The following OGDHL variants were observed in gnomAD, a reference collection of about 807,000 sequenced individuals.
OGDHL encodes oxoglutarate dehydrogenase L.
A neutral mutation model predicts 109.6 loss-of-function variants in OGDHL; 79 were observed. That is an observed-to-expected ratio of 0.72 (90% CI 0.60 to 0.87). The LOEUF is 0.87. Among genes scored for constraint, OGDHL ranks in the 40% least tolerant of loss-of-function variants. OGDHL has a pLI of 0.00. For synonymous variants in OGDHL, 528 were observed against 537.2 expected (o/e 0.98, Z 0.24); for missense variants, 1,275 against 1,362.2 (o/e 0.94, Z 1.01).
At chr10:49,760,664 C>T (rs1688153115) in intron 1 of OGDHL, among the ~76,000 whole-genome samples, 1 of 152,248 alleles carries the variant, frequency 6.6e-6, no homozygotes, top group Non-Finnish European at 1.5e-5. Context: ...TCATTTAATC[C>T]TCCCAACATC....
chr10:49,745,680 A>G (rs184527809), intron 11 of OGDHL, 118 bp downstream of exon 11: 5 of 1,334,958 alleles, frequency 3.7e-6, no homozygotes, highest in Non-Finnish European at 5.2e-6. Flanking sequence ...GGTGGCATAA[A>G]TCTCTCATCC....
intron 1 of OGDHL, 150 bp from the exon 2 acceptor site, chr10:49,758,743 C>T: frequency 2.7e-6 from 2 of 753,676 alleles, no homozygotes; most frequent in African/African-American, 1.7e-5. Context: ...ATGTGACACT[C>T]TCCCAGCCCC....
At chr10:49,744,563 T>G (rs573771926) in intron 13 of OGDHL, 87 bp downstream of exon 13, 2 of 1,041,626 alleles carry the variant, frequency 1.9e-6, no homozygotes, top group Admixed American at 1.8e-5. Context: ...CAATGACAGC[T>G]GTCACCCAGG....
intron 19 of OGDHL, 31 bp from the exon 20 acceptor site, chr10:49,737,889 C>T: frequency 6.2e-7 from 1 of 1,614,176 alleles, no homozygotes; most frequent in East Asian, 2.2e-5. Flanking sequence ...CAGCTGCCAG[C>T]TGGCCCTGCC....
chr10:49,746,657 G>C (rs1181022866), intron 10 of OGDHL, 93 bp downstream of exon 10: 1 of 1,521,074 alleles, frequency 6.6e-7, no homozygotes, highest in Admixed American at 1.8e-5. Context: ...AGTGGGCTCA[G>C]AGCCAGGAGC....
intron 3 of OGDHL, among the ~76,000 whole-genome samples, chr10:49,754,142 A>G (rs1842776450): frequency 6.6e-6 from 1 of 152,194 alleles, no homozygotes; most frequent in Admixed American, 6.5e-5. Flanking sequence ...TGATCAAACC[A>G]ATAGCAGGAA....
chr10:49,745,859 T>C lies in OGDHL; in HGVS notation c.1415A>G (p.Tyr472Cys), dbSNP rs766528428. 2 of 1,614,148 alleles carry C rather than the reference T, an allele frequency of 1.2e-6. No individual in the cohort carries two copies. Among genetic ancestry groups the C allele is most frequent in the South Asian group, 1.1e-5 (1 of 91,076 alleles). The change falls in exon 11 of 23, where the codon TAT (tyrosine) becomes TGT (cysteine). Residue 472 changes from tyrosine to cysteine, a missense_variant. Physicochemically the swap from Tyr to Cys is radical, Grantham distance 194. Coordinates refer to ENST00000374103, the MANE Select transcript of OGDHL (RefSeq NM_018245.3). ...CCATTCGGCTGCCACACTGCACACATATATCACAGCCTCTGGGTCATCGGC... is the reference window on the plus strand; with the variant it reads ...CCATTCGGCTGCCACACTGCACACACATATCACAGCCTCTGGGTCATCGGC... ...VNADDPEAVI[Y>C]VCSVAAEWRN...
rs116498795 is a variant in OGDHL at position 49,750,370 on chromosome 10, G to C, written c.896+469C>G. On this transcript the variant is annotated intron_variant, in intron 7 of 22. Coordinates refer to ENST00000374103, the MANE Select transcript of OGDHL (RefSeq NM_018245.3). Reference sequence around the variant, plus strand: ...GCCCCACTGCTGAGCAAGCCTCCTAGATCTTCATCAAGGTCAAGGGAACAC... The same window carrying C: ...GCCCCACTGCTGAGCAAGCCTCCTACATCTTCATCAAGGTCAAGGGAACAC... Among the ~76,000 whole-genome samples, 362 of 152,264 alleles carry C rather than the reference G, an allele frequency of 2.4e-3. 1 individual carries two copies. The highest frequency in any genetic ancestry group is 8.1e-3 in the African/African-American group (337 of 41,548).
At chr10:49,745,175 C>A (rs552759702) in intron 12 of OGDHL, among the ~76,000 whole-genome samples, 169 bp downstream of exon 12, 2 of 152,388 alleles carry the variant, frequency 1.3e-5, no homozygotes, top group Non-Finnish European at 2.9e-5. Flanking sequence ...GTAACTGCAT[C>A]CTTAGTTCTT....
chr10:49,741,806 CACACCACACACATAT>C (rs568278345), intron 15 of OGDHL, among the ~76,000 whole-genome samples: 188 of 148,102 alleles, frequency 1.3e-3, no homozygotes, highest in African/African-American at 4.4e-3. Flanking sequence ...ACATGCAAAA[CACACCACACACATAT>C]ACACCACACA....
At chr10:49,754,162 G>T (rs1842777063) in intron 3 of OGDHL, among the ~76,000 whole-genome samples, 2 of 152,302 alleles carry the variant, frequency 1.3e-5, no homozygotes, top group East Asian at 3.9e-4. Flanking sequence ...AACAGCCAGA[G>T]ACCTGGACAG....
In OGDHL at chr10:49,752,889, T is replaced by C. The variant is rs1275134233; in HGVS notation, c.376-149A>G. ...GCCCCGCGGCTACTTCACTGCTGCCTGCGAGACCCCAGCCACAGCCAGTAA... is the reference window on the plus strand; with the variant it reads ...GCCCCGCGGCTACTTCACTGCTGCCCGCGAGACCCCAGCCACAGCCAGTAA... On this transcript the variant is annotated intron_variant, in intron 3 of 22. Coordinates refer to ENST00000374103, the MANE Select transcript of OGDHL (RefSeq NM_018245.3). 4.9e-6 allele frequency: 3 copies of C among 612,354 alleles called. No homozygotes were observed. The African/African-American group carries it at 5.6e-5, about 11-fold the overall frequency. The allele number at this position is 612,354 out of a possible 1,614,324, so 37.9% of individuals were successfully genotyped here.
At chr10:49,744,245 C>A in intron 13 of OGDHL, 123 bp from the exon 14 acceptor site, 1 of 1,281,828 alleles carries the variant, frequency 7.8e-7, no homozygotes, top group Non-Finnish European at 1.1e-6. Flanking sequence ...CTCGGACTCA[C>A]CCTGAGCCCA....
In OGDHL at chr10:49,735,102, C is replaced by T; in HGVS notation, c.*126G>A. ...GCAGTGCTGGCTCTTGGCCCTGTCA[C>T]TGTGTCTGTTTTATCCTGGGGCCCC... On this transcript the variant is annotated 3_prime_UTR_variant, in exon 23 of 23. Transcript: ENST00000374103. 1 of 1,213,468 alleles carries T rather than the reference C, an allele frequency of 8.2e-7. No individual in the cohort carries two copies. Among genetic ancestry groups the T allele is most frequent in the Non-Finnish European group, 1.2e-6 (1 of 866,294 alleles). 75.2% of individuals were successfully genotyped at this position (1,213,468 alleles called of 1,614,324 possible). A position where few individuals can be genotyped will look rare whatever the true frequency, so the allele number is the denominator to read the frequency against.
rs760206833 is a variant in OGDHL at position 49,738,055 on chromosome 10, G to A, written c.2409C>T (p.Phe803=). Residue 803 remains phenylalanine, a synonymous_variant, in exon 19 of 23, where the codon TTC becomes TTT. Coordinates refer to ENST00000374103, the MANE Select transcript of OGDHL (RefSeq NM_018245.3). ...SDAYPAFTKD[F]EVSQLYDCNW... is the part of the protein sequence containing the mutation. ...TGCAGTCATAGAGCTGGCTCACCTC[G>A]AAGTCCTTGGTGAATGCCTGTGGGG... 6.8e-6 allele frequency: 11 copies of A among 1,614,048 alleles called. No homozygotes were observed. The Admixed American group carries it at 8.3e-5, about 12-fold the overall frequency.
At position 49,752,186 on chromosome 10, in the gene OGDHL, T is replaced by G. The variant is rs201458076; in HGVS notation, c.541A>C (p.Ile181Leu). Residue 181 changes from isoleucine to leucine, a missense_variant, in exon 5 of 23, where the codon ATT (isoleucine) becomes CTT (leucine). Physicochemically the swap from Ile to Leu is conservative, Grantham distance 5 (BLOSUM62 2). Coordinates refer to ENST00000374103, the MANE Select transcript of OGDHL (RefSeq NM_018245.3). Reference protein sequence around the residue: ...KEFQLPTTTFIGGSENTLSLR... With the variant: ...KEFQLPTTTFLGGSENTLSLR... ...GAGAGGGTGTTTTCAGAGCCCCCAA[T>G]GAAGGTGGTTGTCGGCAGCTGGAAC... 3.1e-6 allele frequency: 5 copies of G among 1,614,034 alleles called. No homozygotes were observed. In the Middle Eastern group the frequency reaches 6.6e-4, roughly 213 times the overall value.
intron 13 of OGDHL, 124 bp from the exon 14 acceptor site, chr10:49,744,246 C>A (rs981753872): frequency 3.2e-6 from 4 of 1,254,464 alleles, no homozygotes; most frequent in African/African-American, 3.0e-5. Flanking sequence ...TCGGACTCAC[C>A]CTGAGCCCAC....
At chr10:49,758,192 T>C (rs1843030165) in intron 2 of OGDHL, among the ~76,000 whole-genome samples, 197 bp downstream of exon 2, 1 of 152,176 alleles carries the variant, frequency 6.6e-6, no homozygotes, top group Admixed American at 6.5e-5. Context: ...CCAGGGCCTC[T>C]CAATCAAAAC....
In OGDHL at chr10:49,745,412, CCT is replaced by C; in HGVS notation, c.1559_1560del (p.Gln520ArgfsTer23). The C allele has an allele frequency of 6.2e-7, 1 of 1,614,148 alleles. No homozygotes were observed. Among genetic ancestry groups the C allele is most frequent in the Non-Finnish European group, 8.5e-7 (1 of 1,180,020 alleles). ...QPLMYKQIHR[Q>X]VPVLKKYADK... ...TCTGCGTACTTCTTCAGCACAGGCA[CCT>C]GTCTGTGGATCTGCTTGTACATGAG... On this transcript the variant is annotated frameshift_variant, in exon 12 of 23. Coordinates refer to ENST00000374103, the MANE Select transcript of OGDHL (RefSeq NM_018245.3). LOFTEE classifies it high-confidence loss of function.
Sources: gnomAD v4.1 joint callset for allele counts (sites outside exome capture counted in the v4.1 genomes callset) on GRCh38, gnomAD v4.1.1 for gene constraint, MANE v1.5 for transcripts, NCBI Gene and HGNC (gene_info 2026-07-23, HGNC 2026-07-21) for gene names.